Variants in PTPRD observed in about 807,000 individuals in gnomAD.
PTPRD encodes receptor-type tyrosine-protein phosphatase delta.
PTPRD carries 34 observed loss-of-function variants against 214.5 expected under a neutral mutation model. The ratio of observed to expected loss-of-function variants is 0.16; its 90% confidence interval spans 0.12 to 0.21. PTPRD has a LOEUF of 0.21. PTPRD is among the 10% of genes least tolerant of loss of function. The probability of loss-of-function intolerance (pLI) is 1.00; values close to 1 mark genes in which losing one functional copy is unlikely to be tolerated. For synonymous variants in PTPRD, 1,128 were observed against 845.7 expected, an observed-to-expected ratio of 1.33 and a Z score of -5.79; for missense variants, 2,545 against 2,398.7, an observed-to-expected ratio of 1.06 and a Z score of -1.27.
At chr9:8,807,106 G>A (rs1053780581) in intron 11 of PTPRD, among the ~76,000 whole-genome samples, 12 of 152,110 alleles carry the variant, frequency 7.9e-5, no homozygotes, top group African/African-American at 2.9e-4. Flanking sequence ...GGAGGCCGAC[G>A]CAGGTGGATT....
chr9:10,230,436 G>GTGTCTGTCTATCTATC (rs199914356), intron 3 of PTPRD, among the ~76,000 whole-genome samples: 1 of 140,636 alleles, frequency 7.1e-6, no homozygotes, highest in Non-Finnish European at 1.5e-5. Context: ...ATGTATCTAT[G>GTGTCTGTCTATCTATC]TATCTATCTA....
At chr9:9,638,089 T>C (rs947112012) in intron 7 of PTPRD, among the ~76,000 whole-genome samples, 1 of 152,198 alleles carries the variant, frequency 6.6e-6, no homozygotes, top group African/African-American at 2.4e-5. Context: ...TGATAAATAA[T>C]ATCAGGCTGC....
At chr9:9,918,232 A>G (rs2081483601) in intron 5 of PTPRD, among the ~76,000 whole-genome samples, 1 of 151,896 alleles carries the variant, frequency 6.6e-6, no homozygotes, top group African/African-American at 2.4e-5. Context: ...TATGAAAATT[A>G]AGTCACATTT....
chr9:8,331,433 AAAAGAAAGAG>A, intron 44 of PTPRD, 139 bp downstream of exon 44: 1 of 958,746 alleles, frequency 1.0e-6, no homozygotes, highest in Non-Finnish European at 1.5e-6. Context: ...TCACTTTATG[AAAAGAAAGAG>A]AAATCAATCC....
intron 10 of PTPRD, among the ~76,000 whole-genome samples, chr9:9,097,851 A>G (rs1005908010): frequency 7.2e-5 from 11 of 152,034 alleles, no homozygotes; most frequent in African/African-American, 2.7e-4. Flanking sequence ...AAAGATAGAG[A>G]TGGTGTTTTC....
intron 26 of PTPRD, 56 bp from the exon 27 acceptor site, chr9:8,493,035 G>A: frequency 7.1e-7 from 1 of 1,403,748 alleles, no homozygotes; most frequent in Non-Finnish European, 1.0e-6. Flanking sequence ...ATGCTCTGGG[G>A]GAAAAACAAG....
intron 8 of PTPRD, among the ~76,000 whole-genome samples, chr9:9,568,802 C>T (rs927192751): frequency 6.6e-6 from 1 of 151,768 alleles, no homozygotes; most frequent in Admixed American, 6.6e-5. Context: ...GAGGACTTCA[C>T]AGATGAAGAC....
intron 3 of PTPRD, among the ~76,000 whole-genome samples, chr9:10,312,727 T>C (rs2096301626): frequency 6.6e-6 from 1 of 151,914 alleles, no homozygotes; most frequent in African/African-American, 2.4e-5. Flanking sequence ...ATAAAAATGA[T>C]GCTAAAGTAG....
chr9:10,180,464 C>A (rs1270367044), intron 3 of PTPRD, among the ~76,000 whole-genome samples: 1 of 151,904 alleles, frequency 6.6e-6, no homozygotes, highest in Non-Finnish European at 1.5e-5. Context: ...TATTATATTT[C>A]TGGTGGATCA....
rs71308864 is a variant in PTPRD, at chr9:8,463,308, C to CAAA, written c.3714+2155_3714+2157dup. On this transcript the variant is annotated intron_variant, in intron 32 of 45. Coordinates refer to ENST00000381196, the MANE Select transcript of PTPRD (RefSeq NM_002839.4). ...TATGTCCAAGCTTCTCAGAGGCAGC[C>CAAA]AAAAAAAAAAAAAAAAAAAAAAAAA... 8.3e-3 allele frequency among the ~76,000 whole-genome samples: 239 copies of CAAA among 28,870 alleles called. 24 individuals are homozygous for CAAA. The highest frequency in any genetic ancestry group is 0.021 in the African/African-American group (215 of 10,220). 18.9% of individuals were successfully genotyped at this position (28,870 alleles called of 152,430 possible).
chr9:10,542,355 T>C (rs1197762749), intron 2 of PTPRD, among the ~76,000 whole-genome samples: 1 of 152,150 alleles, frequency 6.6e-6, no homozygotes, highest in Admixed American at 6.6e-5. Context: ...AATTGCTATG[T>C]AAGGATTTAA....
chr9:9,266,917 C>G (rs7857371), intron 9 of PTPRD, among the ~76,000 whole-genome samples: 2,568 of 150,412 alleles, frequency 0.017, 71 homozygotes, highest in African/African-American at 0.059. Flanking sequence ...AAACTAATGC[C>G]AAAGTTAGAA....
At chr9:9,286,093 G>A (rs150973608) in intron 9 of PTPRD, among the ~76,000 whole-genome samples, 9 of 151,704 alleles carry the variant, frequency 5.9e-5, no homozygotes. Context: ...AATTTTCTGT[G>A]GTAAATTCTT....
chr9:8,711,495 A>G (rs1215455221), intron 12 of PTPRD, among the ~76,000 whole-genome samples: 1 of 152,202 alleles, frequency 6.6e-6, no homozygotes, highest in African/African-American at 2.4e-5. Context: ...ATAATCTTAT[A>G]TTACTCAAAT....
chr9:9,212,540 T>C (rs1399231620), intron 9 of PTPRD, among the ~76,000 whole-genome samples: 1 of 152,188 alleles, frequency 6.6e-6, no homozygotes, highest in African/African-American at 2.4e-5. Context: ...AAAATTAACT[T>C]GTTTTAACTG....
intron 11 of PTPRD, among the ~76,000 whole-genome samples, chr9:8,789,225 C>A (rs780924392): frequency 3.3e-5 from 5 of 152,166 alleles, no homozygotes; most frequent in African/African-American, 9.6e-5. Context: ...GTTTTTTCAG[C>A]ATTTGGCCCA....
chr9:9,283,067 G>A (rs577117501), intron 9 of PTPRD, among the ~76,000 whole-genome samples: 1 of 151,440 alleles, frequency 6.6e-6, no homozygotes, highest in East Asian at 2.0e-4. Flanking sequence ...AACTTGGTGT[G>A]ATAACCAAAA....
intron 8 of PTPRD, among the ~76,000 whole-genome samples, chr9:9,567,181 G>A (rs957988568): frequency 6.6e-6 from 1 of 151,966 alleles, no homozygotes; most frequent in Admixed American, 6.6e-5. Flanking sequence ...AGGAATAGCA[G>A]TACCTTTTCT....
intron 2 of PTPRD, among the ~76,000 whole-genome samples, chr9:10,363,176 T>TACAACAAA (rs2097429309): frequency 6.6e-6 from 1 of 152,218 alleles, no homozygotes; most frequent in Non-Finnish European, 1.5e-5. Context: ...GTGAATCTTG[T>TACAACAAA]TAAAATGCAG....
Sources: allele counts gnomAD v4.1 joint callset (sites outside exome capture counted in the v4.1 genomes callset), GRCh38; gene constraint gnomAD v4.1.1; transcripts MANE v1.5; gene names NCBI Gene and HGNC (gene_info 2026-07-23, HGNC 2026-07-21).